The following PHTF2 variants were observed in gnomAD, a reference collection of about 807,000 sequenced individuals.
PHTF2 encodes the protein protein PHTF2.
Under a neutral mutation model 101.2 loss-of-function variants are expected in PHTF2, and 60 were observed. The observed-to-expected ratio is 0.59, with a 90% CI of 0.48 to 0.73. The LOEUF (loss-of-function observed/expected upper bound fraction) is 0.73, where lower values mean the gene tolerates loss of function less well. Among genes scored for constraint, PHTF2 ranks in the 30% least tolerant of loss-of-function variants. PHTF2 has a pLI of 0.00. For missense variants in PHTF2, 747 were observed against 908.7 expected, an observed-to-expected ratio of 0.82 and a Z score of 2.29; for synonymous variants, 311 against 307.3, an observed-to-expected ratio of 1.01 and a Z score of -0.13.
At chr7:77,834,010 A>G (rs986009059) in intron 1 of PHTF2, among the ~76,000 whole-genome samples, 7 of 152,122 alleles carry the variant, frequency 4.6e-5, no homozygotes, top group African/African-American at 1.4e-4. Flanking sequence ...AATTAATACA[A>G]TTAGAGGGTT....
chr7:77,820,543 T>TG (rs1491468026), intron 1 of PHTF2, among the ~76,000 whole-genome samples: 209 of 150,824 alleles, frequency 1.4e-3, no homozygotes, highest in African/African-American at 4.2e-3. Flanking sequence ...TGTGTGTGTG[T>TG]TTGTGTATAC....
At chr7:77,839,526 T>C (rs1264430634) in intron 1 of PHTF2, among the ~76,000 whole-genome samples, 1 of 152,230 alleles carries the variant, frequency 6.6e-6, no homozygotes, top group African/African-American at 2.4e-5. Context: ...TACAATTCAG[T>C]AGCTTAATTT....
intron 13 of PHTF2, among the ~76,000 whole-genome samples, chr7:77,939,614 CAGAA>C (rs1441007473): frequency 1.5e-3 from 208 of 136,718 alleles, no homozygotes; most frequent in African/African-American, 5.2e-3. Context: ...AAAAAGAAAA[CAGAA>C]AGAAAACCTC....
At chr7:77,939,692 A>T (rs961904088) in intron 13 of PHTF2, among the ~76,000 whole-genome samples, 1 of 152,056 alleles carries the variant, frequency 6.6e-6, no homozygotes, top group South Asian at 2.1e-4. Context: ...AATGAACTGA[A>T]TTTCAGTGGA....
At chr7:77,942,398 G>A (rs1391867081) in intron 15 of PHTF2, among the ~76,000 whole-genome samples, 1 of 152,108 alleles carries the variant, frequency 6.6e-6, no homozygotes, top group African/African-American at 2.4e-5. Flanking sequence ...TGCTAAGCAG[G>A]TGCTTAAGAA....
At chr7:77,820,151 A>G (rs2150515450) in intron 1 of PHTF2, among the ~76,000 whole-genome samples, 1 of 152,236 alleles carries the variant, frequency 6.6e-6, no homozygotes, top group South Asian at 2.1e-4. Context: ...GGCCTCCCAA[A>G]GTGCTGGGAT....
intron 3 of PHTF2, among the ~76,000 whole-genome samples, chr7:77,866,917 A>G (rs1227860780): frequency 6.6e-6 from 1 of 152,198 alleles, no homozygotes; most frequent in Non-Finnish European, 1.5e-5. Flanking sequence ...ATGAGTAGTA[A>G]AAGAATGCAA....
rs970308000 is a variant in PHTF2, at chr7:77,859,987, T to C, written c.147+5153T>C. 2.4e-4 allele frequency among the ~76,000 whole-genome samples: 37 copies of C among 152,216 alleles called. 1 individual carries two copies. The highest frequency in any genetic ancestry group is 8.4e-4 in the African/African-American group (35 of 41,458). ...TTTGGGTTGTTTAACCTAACAGTTA[T>C]GAGGTTTCCTTTCTTACTTATTATA... On this transcript the variant is annotated intron_variant, in intron 3 of 19. Transcript: ENST00000416283.
intron 1 of PHTF2, among the ~76,000 whole-genome samples, chr7:77,820,051 G>A (rs946643100): frequency 1.3e-5 from 2 of 152,104 alleles, no homozygotes; most frequent in East Asian, 3.9e-4. Context: ...CACCACACCC[G>A]GCTAATTTTG....
At chr7:77,842,361 G>C (rs1449553782) in intron 2 of PHTF2, among the ~76,000 whole-genome samples, 1 of 152,030 alleles carries the variant, frequency 6.6e-6, no homozygotes, top group South Asian at 2.1e-4. Flanking sequence ...GTGCCACTAT[G>C]CCCAGCTAGA....
intron 1 of PHTF2, among the ~76,000 whole-genome samples, chr7:77,818,708 C>T (rs1794045112): frequency 6.6e-6 from 1 of 152,130 alleles, no homozygotes; most frequent in Non-Finnish European, 1.5e-5. Flanking sequence ...CCTCTTTGTG[C>T]TCAGGATTGC....
At chr7:77,952,066 TG>T (rs1584802199) in intron 18 of PHTF2, among the ~76,000 whole-genome samples, 1 of 152,124 alleles carries the variant, frequency 6.6e-6, no homozygotes, top group Non-Finnish European at 1.5e-5. Flanking sequence ...AGAAGTCTTC[TG>T]GTTGGCCTGA....
chr7:77,925,505 T>C (rs1176555243), intron 11 of PHTF2, among the ~76,000 whole-genome samples: 1 of 119,156 alleles, frequency 8.4e-6, no homozygotes, highest in African/African-American at 3.8e-5. Flanking sequence ...GTTTTTTTTT[T>C]TTTTTTTTTT....
At chr7:77,947,420 C>A (rs147598093) in intron 16 of PHTF2, among the ~76,000 whole-genome samples, 1 of 151,208 alleles carries the variant, frequency 6.6e-6, no homozygotes, top group South Asian at 2.1e-4. Context: ...AAAATTAGCC[C>A]GTCGCGGTGG....
intron 1 of PHTF2, among the ~76,000 whole-genome samples, chr7:77,801,254 G>A (rs568821547): frequency 1.3e-5 from 2 of 152,328 alleles, no homozygotes; most frequent in South Asian, 2.1e-4. Flanking sequence ...CCTTTTGAGT[G>A]CCAAGATGAT....
chr7:77,881,527 T>C (rs1390191189), intron 3 of PHTF2, among the ~76,000 whole-genome samples: 3 of 152,000 alleles, frequency 2.0e-5, no homozygotes, highest in African/African-American at 4.8e-5. Flanking sequence ...TTTGTTTTTT[T>C]TTTTTACTTC....
intron 13 of PHTF2, among the ~76,000 whole-genome samples, chr7:77,939,267 T>G (rs1455613679): frequency 6.6e-6 from 1 of 152,132 alleles, no homozygotes; most frequent in African/African-American, 2.4e-5. Context: ...TAAAATGCTT[T>G]TAGAGTTTAA....
intron 1 of PHTF2, among the ~76,000 whole-genome samples, chr7:77,826,972 T>C (rs1410104993): frequency 6.6e-6 from 1 of 152,166 alleles, no homozygotes; most frequent in Non-Finnish European, 1.5e-5. Flanking sequence ...TCGGGGGTGA[T>C]CATCAGATCC....
At chr7:77,936,103 T>C (rs922491441) in intron 12 of PHTF2, among the ~76,000 whole-genome samples, 1 of 152,152 alleles carries the variant, frequency 6.6e-6, no homozygotes, top group African/African-American at 2.4e-5. Context: ...CCTTCATCTC[T>C]AGAAAAGATA....
Sources: gnomAD v4.1 joint callset for allele counts (sites outside exome capture counted in the v4.1 genomes callset) on GRCh38, gnomAD v4.1.1 for gene constraint, MANE v1.5 for transcripts, NCBI Gene and HGNC (gene_info 2026-07-23, HGNC 2026-07-21) for gene names.